Variants in ARHGAP42 observed in about 807,000 individuals in gnomAD.
ARHGAP42 encodes the protein Rho GTPase activating protein 42.
A neutral mutation model predicts 125.0 loss-of-function variants in ARHGAP42; 63 were observed. The observed-to-expected ratio is 0.50, with a 90% CI of 0.41 to 0.62. The LOEUF (loss-of-function observed/expected upper bound fraction) is 0.62, where lower values mean the gene tolerates loss of function less well. ARHGAP42 is among the 20% of genes least tolerant of loss of function. The pLI, the probability that ARHGAP42 is intolerant of heterozygous loss-of-function variation, is 0.00. For synonymous variants in ARHGAP42, 339 were observed against 351.0 expected, an observed-to-expected ratio of 0.97 and a Z score of 0.38; for missense variants, 766 against 1,024.2, an observed-to-expected ratio of 0.75 and a Z score of 3.44.
intron 16 of ARHGAP42, among the ~76,000 whole-genome samples, chr11:100,962,720 T>C (rs1487261942): frequency 6.6e-6 from 1 of 151,914 alleles, no homozygotes; most frequent in African/African-American, 2.4e-5. Flanking sequence ...CTACTAAAAA[T>C]ACAAAATTAG....
chr11:100,986,092 T>C (rs1032229769), intron 22 of ARHGAP42: 39 of 456,596 alleles, frequency 8.5e-5, no homozygotes, highest in Non-Finnish European at 1.5e-4. Context: ...TCCTGAGTTA[T>C]ACTACTAAGC....
intron 5 of ARHGAP42, among the ~76,000 whole-genome samples, chr11:100,917,386 T>TTG (rs1867101117): frequency 6.6e-6 from 1 of 152,090 alleles, no homozygotes; most frequent in Non-Finnish European, 1.5e-5. Flanking sequence ...GATGAACATC[T>TTG]CTCAAGGGAT....
At chr11:100,805,121 A>C (rs1863958711) in intron 3 of ARHGAP42, among the ~76,000 whole-genome samples, 1 of 152,206 alleles carries the variant, frequency 6.6e-6, no homozygotes, top group African/African-American at 2.4e-5. Context: ...GTATGCTATT[A>C]ATATACCCAT....
chr11:100,933,931 G>T (rs953947472), intron 7 of ARHGAP42, among the ~76,000 whole-genome samples: 1 of 152,070 alleles, frequency 6.6e-6, no homozygotes, highest in African/African-American at 2.4e-5. Flanking sequence ...GGGATTACAG[G>T]CATGCACCAC....
intron 3 of ARHGAP42, among the ~76,000 whole-genome samples, chr11:100,836,290 G>C (rs1244766087): frequency 6.6e-6 from 1 of 152,094 alleles, no homozygotes; most frequent in Non-Finnish European, 1.5e-5. Context: ...GTTAACCAAG[G>C]TAGTGTAAAG....
At chr11:100,713,489 A>G (rs1861598547) in intron 1 of ARHGAP42, among the ~76,000 whole-genome samples, 1 of 152,218 alleles carries the variant, frequency 6.6e-6, no homozygotes. Context: ...CCTCTATTTT[A>G]AATATGGGAT....
chr11:100,819,766 A>T (rs779998217), intron 3 of ARHGAP42, among the ~76,000 whole-genome samples: 6 of 152,212 alleles, frequency 3.9e-5, no homozygotes, highest in Non-Finnish European at 7.3e-5. Context: ...AAATCAAATT[A>T]TTAGGGAGCT....
In ARHGAP42 at chr11:100,815,487, T is replaced by C. The variant is rs1864246863; in HGVS notation, c.312+20321T>C. Among the ~76,000 whole-genome samples, 3 of 152,322 alleles carry C rather than the reference T, an allele frequency of 2.0e-5. No individual in the cohort carries two copies. In the South Asian group the frequency reaches 6.2e-4, roughly 32 times the overall value. On this transcript the variant is annotated intron_variant, in intron 3 of 23. Coordinates refer to ENST00000298815, the MANE Select transcript of ARHGAP42 (RefSeq NM_152432.4). ...ACAACATTTATTTTCCCTTGAAAAA[T>C]GCACTAAATCTAAGCTATGTTTGTT... is the stretch of plus-strand genomic sequence containing the variant.
In ARHGAP42 at chr11:100,903,706, C is replaced by CAAAA. The variant is rs749877720; in HGVS notation, c.385-9745_385-9742dup. Reference sequence around the variant, plus strand: ...AGAATGTATATATATACATGTCCCTCAAAATATATATATATATATATATAT... The same window carrying CAAAA: ...AGAATGTATATATATACATGTCCCTCAAAAAAAATATATATATATATATATATAT... On this transcript the variant is annotated intron_variant, in intron 4 of 23. Transcript: ENST00000298815. Among the ~76,000 whole-genome samples, 301 of 32,308 alleles carry CAAAA rather than the reference C, an allele frequency of 9.3e-3. 8 individuals are homozygous for CAAAA. The highest frequency in any genetic ancestry group is 0.026 in the African/African-American group (224 of 8,634). 21.2% of individuals were successfully genotyped at this position (32,308 alleles called of 152,430 possible).
At chr11:100,966,790 G>A (rs1224918350) in intron 17 of ARHGAP42, among the ~76,000 whole-genome samples, 4 of 152,034 alleles carry the variant, frequency 2.6e-5, no homozygotes, top group Admixed American at 2.6e-4. Flanking sequence ...ATTTAAGCCC[G>A]AAGTGAGTTT....
intron 3 of ARHGAP42, among the ~76,000 whole-genome samples, chr11:100,844,599 C>T (rs1342977517): frequency 3.4e-5 from 5 of 149,124 alleles, no homozygotes; most frequent in Admixed American, 3.3e-4. Context: ...AACAAATCAA[C>T]AAGAAAAAAA....
intron 4 of ARHGAP42, among the ~76,000 whole-genome samples, chr11:100,896,860 T>A (rs1866378730): frequency 6.6e-6 from 1 of 152,178 alleles, no homozygotes. Flanking sequence ...GCCATTTGTC[T>A]ATTTTGGCTT....
At chr11:100,801,111 A>G (rs1863840093) in intron 3 of ARHGAP42, among the ~76,000 whole-genome samples, 1 of 152,198 alleles carries the variant, frequency 6.6e-6, no homozygotes, top group Admixed American at 6.5e-5. Flanking sequence ...GTCTGTACTC[A>G]AAAAGTTTTG....
intron 1 of ARHGAP42, among the ~76,000 whole-genome samples, chr11:100,760,488 CAGGAG>C (rs1591158615): frequency 6.6e-6 from 1 of 152,164 alleles, no homozygotes; most frequent in East Asian, 1.9e-4. Flanking sequence ...CACTTGAGGT[CAGGAG>C]TTTGAGACTA....
chr11:100,939,107 C>A (rs546052), intron 8 of ARHGAP42, among the ~76,000 whole-genome samples: 1 of 152,044 alleles, frequency 6.6e-6, no homozygotes, highest in Non-Finnish European at 1.5e-5. Context: ...GTTTATGTTA[C>A]CCACCTCGAG....
intron 1 of ARHGAP42, among the ~76,000 whole-genome samples, chr11:100,765,280 A>C (rs1862803282): frequency 6.6e-6 from 1 of 152,070 alleles, no homozygotes. Context: ...TCTTCTAACA[A>C]CTCTACCCCT....
At chr11:100,690,193 C>T (rs1861162951) in intron 1 of ARHGAP42, among the ~76,000 whole-genome samples, 1 of 152,196 alleles carries the variant, frequency 6.6e-6, no homozygotes, top group Non-Finnish European at 1.5e-5. Context: ...ACTTCACCTT[C>T]CCTAACTTTA....
At chr11:100,880,986 G>A (rs1177018501) in intron 4 of ARHGAP42, among the ~76,000 whole-genome samples, 1 of 151,868 alleles carries the variant, frequency 6.6e-6, no homozygotes, top group Non-Finnish European at 1.5e-5. Context: ...GTAGATTCTG[G>A]GCATTAGTCC....
At chr11:100,740,383 G>C (rs1862158698) in intron 1 of ARHGAP42, among the ~76,000 whole-genome samples, 1 of 152,138 alleles carries the variant, frequency 6.6e-6, no homozygotes, top group Admixed American at 6.6e-5. Flanking sequence ...TAAAAACTGT[G>C]AAGTGAGCAC....
Sources: gnomAD v4.1 joint callset for allele counts (sites outside exome capture counted in the v4.1 genomes callset) on GRCh38, gnomAD v4.1.1 for gene constraint, MANE v1.5 for transcripts, NCBI Gene and HGNC (gene_info 2026-07-23, HGNC 2026-07-21) for gene names.